Variants in GRM5 observed in about 807,000 individuals in gnomAD.
GRM5 encodes the protein glutamate metabotropic receptor 5.
GRM5 carries 19 observed loss-of-function variants against 83.1 expected under a neutral mutation model. The observed-to-expected ratio is 0.23, with a 90% CI of 0.16 to 0.34. The LOEUF (loss-of-function observed/expected upper bound fraction) is 0.34, where lower values mean the gene tolerates loss of function less well. Among genes scored for constraint, GRM5 ranks in the 10% least tolerant of loss-of-function variants. GRM5 has a pLI of 1.00. For synonymous variants in GRM5, 675 were observed against 633.6 expected (o/e 1.07, Z -0.98); for missense variants, 1,160 against 1,588.3 (o/e 0.73, Z 4.58).
At chr11:88,710,142 A>G (rs1941251235) in intron 3 of GRM5, among the ~76,000 whole-genome samples, 1 of 152,334 alleles carries the variant, frequency 6.6e-6, no homozygotes, top group Non-Finnish European at 1.5e-5. Flanking sequence ...TCCTGAAGAT[A>G]GCCATTATTC....
At chr11:89,009,682 G>A (rs1192539723) in intron 2 of GRM5, among the ~76,000 whole-genome samples, 1 of 151,712 alleles carries the variant, frequency 6.6e-6, no homozygotes, top group East Asian at 1.9e-4. Context: ...GGATCACGAG[G>A]TCAGGAGATC....
chr11:88,891,411 C>T (rs1945142154), intron 2 of GRM5, among the ~76,000 whole-genome samples: 1 of 152,008 alleles, frequency 6.6e-6, no homozygotes, highest in Admixed American at 6.6e-5. Context: ...CTTCAAGTTT[C>T]GAAATTGTCT....
intron 2 of GRM5, among the ~76,000 whole-genome samples, chr11:88,939,699 C>T (rs1462034748): frequency 2.6e-5 from 4 of 151,500 alleles, no homozygotes; most frequent in Admixed American, 6.6e-5. Flanking sequence ...TATGTGTGCG[C>T]GTGTTTGGCG....
At chr11:88,982,819 C>T (rs1939572044) in intron 2 of GRM5, among the ~76,000 whole-genome samples, 2 of 152,130 alleles carry the variant, frequency 1.3e-5, no homozygotes, top group South Asian at 4.1e-4. Flanking sequence ...TTAATCCCAG[C>T]ATTTTGGGAG....
chr11:89,052,411 G>A (rs750405638), intron 1 of GRM5, among the ~76,000 whole-genome samples: 73 of 152,166 alleles, frequency 4.8e-4, no homozygotes, highest in Non-Finnish European at 6.6e-4. Context: ...AGTAAATGAC[G>A]TCATAGAGGG....
At chr11:88,639,679 C>A (rs1045729492) in intron 4 of GRM5, among the ~76,000 whole-genome samples, 1 of 151,886 alleles carries the variant, frequency 6.6e-6, no homozygotes, top group African/African-American at 2.4e-5. Context: ...GCTCCACCTC[C>A]CAGGTTCATG....
intron 8 of GRM5, among the ~76,000 whole-genome samples, chr11:88,535,451 C>T (rs1421386726): frequency 6.6e-6 from 1 of 152,186 alleles, no homozygotes; most frequent in Non-Finnish European, 1.5e-5. Flanking sequence ...GCTAAGCCAA[C>T]ATTTCAAAAA....
In GRM5 at chr11:88,562,415, G is replaced by A. The variant is rs574953953; in HGVS notation, c.2630+4638C>T. 1.6e-4 allele frequency among the ~76,000 whole-genome samples: 25 copies of A among 152,136 alleles called. No homozygotes were observed. In the South Asian group the frequency reaches 3.7e-3, roughly 23 times the overall value. ...GAAACAATAGGCAAGTATTCTCACC[G>A]TGCAGGACCTCAAATTTCCCATCTG... On this transcript the variant is annotated intron_variant, in intron 8 of 9. Transcript: ENST00000305447.
intron 3 of GRM5, among the ~76,000 whole-genome samples, chr11:88,751,424 A>ATAGAC (rs1195649526): frequency 6.6e-6 from 1 of 152,176 alleles, no homozygotes; most frequent in East Asian, 1.9e-4. Flanking sequence ...GAATCCCTGA[A>ATAGAC]TAGACTAATA....
intron 2 of GRM5, among the ~76,000 whole-genome samples, chr11:88,858,382 C>T (rs1944507808): frequency 6.6e-6 from 1 of 152,028 alleles, no homozygotes; most frequent in South Asian, 2.1e-4. Flanking sequence ...TAAAGGAATA[C>T]TAACCAGGGC....
At chr11:88,661,450 C>A (rs764663364) in intron 3 of GRM5, among the ~76,000 whole-genome samples, 1 of 151,816 alleles carries the variant, frequency 6.6e-6, no homozygotes, top group Non-Finnish European at 1.5e-5. Flanking sequence ...CATTAGGCTG[C>A]ATCTCAGTAT....
intron 4 of GRM5, among the ~76,000 whole-genome samples, chr11:88,619,793 C>T (rs976161129): frequency 6.6e-6 from 1 of 151,910 alleles, no homozygotes; most frequent in African/African-American, 2.4e-5. Flanking sequence ...CTTCTGTACC[C>T]ATTAGTAAGG....
intron 2 of GRM5, among the ~76,000 whole-genome samples, chr11:88,967,250 T>TATATATATATATATATATATATACAC (rs1555050441): frequency 0.039 from 80 of 2,064 alleles, no homozygotes; most frequent in Middle Eastern, 0.14. Flanking sequence ...TATATACACA[T>TATATATATATATATATATATATACAC]ATATATATAT....
At chr11:88,972,637 TG>T (rs1401359541) in intron 2 of GRM5, among the ~76,000 whole-genome samples, 1 of 152,144 alleles carries the variant, frequency 6.6e-6, no homozygotes, top group East Asian at 1.9e-4. Flanking sequence ...TAATCATCAG[TG>T]AAAACTCATT....
intron 2 of GRM5, among the ~76,000 whole-genome samples, chr11:89,028,333 A>G (rs1273922774): frequency 1.3e-5 from 2 of 152,164 alleles, no homozygotes; most frequent in African/African-American, 4.8e-5. Context: ...CTGTAATGCC[A>G]ACACTTTGGG....
chr11:88,744,808 T>C (rs1182937896), intron 3 of GRM5, among the ~76,000 whole-genome samples: 1 of 152,134 alleles, frequency 6.6e-6, no homozygotes, highest in African/African-American at 2.4e-5. Context: ...TAAAAAATAA[T>C]ATCCAAGAAC....
At chr11:88,897,671 T>C (rs1011006801) in intron 2 of GRM5, among the ~76,000 whole-genome samples, 12 of 152,014 alleles carry the variant, frequency 7.9e-5, no homozygotes, top group Admixed American at 5.3e-4. Context: ...TCAAACATTC[T>C]ACAATGCATA....
intron 3 of GRM5, among the ~76,000 whole-genome samples, chr11:88,719,720 A>C (rs1475619457): frequency 6.6e-6 from 1 of 152,046 alleles, no homozygotes; most frequent in Non-Finnish European, 1.5e-5. Context: ...AAACCTCATC[A>C]ACATCTATTG....
rs201454508 is a variant in GRM5 at position 89,047,959 on chromosome 11, C to T, written c.-87G>A. On this transcript the variant is annotated 5_prime_UTR_variant, in exon 2 of 10. Coordinates refer to ENST00000305447, the MANE Select transcript of GRM5 (RefSeq NM_001143831.3). This position sits in a 1 kb window ranked among gnomAD's most constrained non-coding sequence, Gnocchi z 5.1. ...ATAGCTACGAACAAGCGATGTCCTA[C>T]GTTGAGTCGCAAATCAAGAAATTAG... 8.6e-6 allele frequency: 8 copies of T among 926,524 alleles called. No individual in the cohort carries two copies. The highest frequency in any genetic ancestry group is 2.5e-5 in the East Asian group (1 of 40,524). 57.4% of individuals were successfully genotyped at this position (926,524 alleles called of 1,614,324 possible).
Sources: allele counts gnomAD v4.1 joint callset (sites outside exome capture counted in the v4.1 genomes callset), GRCh38; gene constraint gnomAD v4.1.1; non-coding constraint Gnocchi (gnomAD v3.1); transcripts MANE v1.5; gene names NCBI Gene and HGNC (gene_info 2026-07-23, HGNC 2026-07-21).